The following CYB5R2 variants were observed in gnomAD, a reference collection of about 807,000 sequenced individuals.
CYB5R2 encodes cytochrome b5 reductase 2, also known as NADH-cytochrome b5 reductase 2.
In CYB5R2, 35 loss-of-function variants were observed where a neutral mutation model predicts 29.8. The observed-to-expected ratio is 1.17, with a 90% CI of 0.90 to 1.56. CYB5R2 has a LOEUF of 1.56. Ranked by LOEUF, CYB5R2 falls within the 40% of genes most tolerant of loss-of-function variation. The probability of loss-of-function intolerance (pLI) is 0.00; values close to 1 mark genes in which losing one functional copy is unlikely to be tolerated. For synonymous variants in CYB5R2, 169 were observed against 130.6 expected, an observed-to-expected ratio of 1.29 and a Z score of -2.01; for missense variants, 419 against 346.7, an observed-to-expected ratio of 1.21 and a Z score of -1.66.
At chr11:7,668,670 T>A in intron 5 of CYB5R2, 109 bp from the exon 6 acceptor site, 1 of 892,776 alleles carries the variant, frequency 1.1e-6, no homozygotes, top group Non-Finnish European at 1.9e-6. Context: ...GCTAAGGGAC[T>A]GTCTGCACCA....
chr11:7,665,923 C>T, intron 8 of CYB5R2: 1 of 1,536,042 alleles, frequency 6.5e-7, no homozygotes, highest in Admixed American at 2.0e-5. Context: ...GGGTAGCGCC[C>T]TCTGCCGACC....
At chr11:7,666,615 C>T (rs1855257245) in intron 7 of CYB5R2, 65 bp from the exon 8 acceptor site, 2 of 1,192,136 alleles carry the variant, frequency 1.7e-6, no homozygotes, top group Non-Finnish European at 1.2e-6. Context: ...GGACTGACTA[C>T]ACCGGTCAGC....
chr11:7,669,448 G>C (rs1370640484), intron 4 of CYB5R2, 114 bp from the exon 5 acceptor site: 1 of 1,381,416 alleles, frequency 7.2e-7, no homozygotes, highest in Non-Finnish European at 9.9e-7. Flanking sequence ...TCTCCTCTCT[G>C]AATTGTTGTA....
rs1555004116 is a variant in CYB5R2 at position 7,665,371 on chromosome 11, G to GCGTT, written c.*2_*3insAACG. On this transcript the variant is annotated 3_prime_UTR_variant, in exon 9 of 9. Transcript: ENST00000299498. Reference sequence around the variant, plus strand: ...ATGCAAAATTGCTGAGCACGTGGAGGTGTTAGTAGGTGAAAATCATGTCCT... The same window carrying GCGTT: ...ATGCAAAATTGCTGAGCACGTGGAGGCGTTTGTTAGTAGGTGAAAATCATGTCCT... 2 of 1,544,630 alleles carry GCGTT rather than the reference G, an allele frequency of 1.3e-6. No individual in the cohort carries two copies. Among genetic ancestry groups the GCGTT allele is most frequent in the Admixed American group, 2.1e-5 (1 of 48,020 alleles).
At chr11:7,667,132 C>G (rs1200515680) in intron 7 of CYB5R2, 1 of 152,168 alleles carries the variant, frequency 6.6e-6, no homozygotes, top group Admixed American at 6.5e-5. Context: ...CCCAGTCATT[C>G]CACTTCTGGG....
chr11:7,665,797 G>T, intron 8 of CYB5R2: 1 of 1,497,316 alleles, frequency 6.7e-7, no homozygotes, highest in South Asian at 1.2e-5. Flanking sequence ...TGTCAGCATT[G>T]ACGAGGAAGG....
upstream of CYB5R2, chr11:7,673,777 G>A: frequency 4.1e-6 from 4 of 975,062 alleles, no homozygotes; most frequent in Non-Finnish European, 4.9e-6. Flanking sequence ...GCTCCCCGCC[G>A]CGGGCCCGCA....
rs552783694 is a variant in CYB5R2, at chr11:7,669,700, A to G, written c.183T>C (p.Asp61=). The G allele has an allele frequency of 6.2e-7, 1 of 1,614,150 alleles. No individual in the cohort carries two copies. The change falls in exon 4 of 9, where the codon GAT becomes GAC. Residue 61 remains aspartate (D), a synonymous_variant. Transcript: ENST00000299498. ...TGTAAGCCCTGACCACCAATTCATT[A>G]TCGATTTTTGCCAAGAGCTGGACAT... is the stretch of plus-strand genomic sequence containing the variant. The part of the protein sequence containing the change: ...GNYVQLLAKI[D]NELVVRAYTP...
chr11:7,668,985 G>A (rs1565153020), intron 5 of CYB5R2: 4 of 684,392 alleles, frequency 5.8e-6, no homozygotes, highest in African/African-American at 1.8e-5. Context: ...ATACAATGAC[G>A]AGGAAACACC....
chr11:7,667,852 C>T, intron 6 of CYB5R2, 39 bp from the exon 7 acceptor site: 1 of 1,538,198 alleles, frequency 6.5e-7, no homozygotes. Context: ...TTCTCCCTGT[C>T]TCTGAAGCCC....
chr11:7,666,622 C>A, intron 7 of CYB5R2, 72 bp from the exon 8 acceptor site: 1 of 1,118,016 alleles, frequency 8.9e-7, no homozygotes, highest in Non-Finnish European at 1.3e-6. Context: ...CTACACCGGT[C>A]AGCATACTCC....
Position 7,672,513 on chromosome 11 carries a change from T to G in CYB5R2, c.89A>C (p.His30Pro). The G allele has an allele frequency of 6.2e-7, 1 of 1,614,236 alleles. No homozygotes were observed. The highest frequency in any genetic ancestry group is 1.3e-5 in the African/African-American group (1 of 75,066). The part of the protein sequence containing the change: ...LPLIEKEKIS[H>P]NTRRFRFGLP... ...TCCAAAGCGGAACCTCCGGGTGTTG[T>G]GGCTGATTTTCTGATAAAACAAAAC... The change falls in exon 3 of 9, where the codon CAC (histidine) becomes CCC (proline). Residue 30 changes from histidine (H) to proline (P), a missense_variant. Coordinates refer to ENST00000299498, the MANE Select transcript of CYB5R2 (RefSeq NM_016229.5).
chr11:7,669,137 G>A (rs772515234), intron 5 of CYB5R2, 68 bp downstream of exon 5: 10 of 1,591,704 alleles, frequency 6.3e-6, no homozygotes, highest in East Asian at 2.2e-5. Context: ...AGGAGTGTAC[G>A]AGAACAATGG....
At chr11:7,669,398 G>A in intron 4 of CYB5R2, 64 bp from the exon 5 acceptor site, 2 of 1,543,206 alleles carry the variant, frequency 1.3e-6, no homozygotes, top group East Asian at 2.3e-5. Flanking sequence ...CGTACAACTA[G>A]AAAATGCATT....
rs776617123 is a variant in CYB5R2, at chr11:7,665,408, A to G, written c.797T>C (p.Leu266Pro). 3.1e-6 allele frequency: 5 copies of G among 1,604,536 alleles called. No individual in the cohort carries two copies. In the African/African-American group the frequency reaches 6.7e-5, roughly 21 times the overall value. Residue 266 changes from leucine (L) to proline (P), a missense_variant, in exon 9 of 9, where the codon CTG becomes CCG. Coordinates refer to ENST00000299498, the MANE Select transcript of CYB5R2 (RefSeq NM_016229.5). Reference protein sequence around the residue: ...QTAAHPNLEKLGYTQDMIFTY With the variant: ...QTAAHPNLEKPGYTQDMIFTY ...GAAAATCATGTCCTGGGTATAACCC[A>G]GCTTCTCCAGGTTAGGGTGAGCCGC...
At chr11:7,673,712 AC>A (rs1855905566), upstream of CYB5R2, 2 of 985,550 alleles carry the variant, frequency 2.0e-6, no homozygotes, top group Middle Eastern at 5.2e-4. Flanking sequence ...CCGCCGCGGA[AC>A]CCACCCGGAG....
chr11:7,668,402 A>C (rs10743030), intron 6 of CYB5R2, 76 bp downstream of exon 6: 1,152,644 of 1,153,432 alleles, frequency 1, 575,931 homozygotes, highest in East Asian at 1. Flanking sequence ...GTTGTCCCTT[A>C]GAGGATCAAA....
chr11:7,666,406 G>A (rs752198847), intron 8 of CYB5R2, 45 bp downstream of exon 8: 1 of 1,269,736 alleles, frequency 7.9e-7, no homozygotes, highest in African/African-American at 1.5e-5. Flanking sequence ...AAGTGGTCAA[G>A]GGTTGGTGCT....
chr11:7,669,080 G>A, intron 5 of CYB5R2, 125 bp downstream of exon 5: 1 of 1,148,530 alleles, frequency 8.7e-7, no homozygotes. Context: ...TATGCATTGT[G>A]TGTGAATGAA....
Sources: gnomAD v4.1 joint callset for allele counts on GRCh38, gnomAD v4.1.1 for gene constraint, MANE v1.5 for transcripts, NCBI Gene and HGNC (gene_info 2026-07-23, HGNC 2026-07-21) for gene names.